MYO18B: variants seen among roughly 807,000 people sequenced by gnomAD.
The protein encoded by MYO18B is unconventional myosin-XVIIIb.
MYO18B carries 204 observed loss-of-function variants against 273.0 expected under a neutral mutation model. The observed-to-expected ratio is 0.75, with a 90% CI of 0.67 to 0.84. The LOEUF (loss-of-function observed/expected upper bound fraction) is 0.84. MYO18B is among the 40% of genes least tolerant of loss of function. The pLI is 0.00. For missense variants in MYO18B, 3,212 were observed against 3,287.6 expected, an observed-to-expected ratio of 0.98 and a Z score of 0.56; for synonymous variants, 1,330 against 1,305.7, an observed-to-expected ratio of 1.02 and a Z score of -0.40.
rs527240944 is a variant in MYO18B at position 26,025,586 on chromosome 22, CT to C, written c.6471-853del. 7.9e-5 allele frequency among the ~76,000 whole-genome samples: 12 copies of C among 152,190 alleles called. No individual in the cohort carries two copies. In the South Asian group the frequency reaches 2.5e-3, roughly 32 times the overall value. On this transcript the variant is annotated intron_variant, in intron 42 of 43. Coordinates refer to ENST00000335473, the MANE Select transcript of MYO18B (RefSeq NM_032608.7). ...GTGCCAACACTCTGACATTTGGCAACTTTTTTACTTTTTTAAAAAATAAATT... is the reference window on the plus strand; with the variant it reads ...GTGCCAACACTCTGACATTTGGCAACTTTTTACTTTTTTAAAAAATAAATT...
intron 11 of MYO18B, among the ~76,000 whole-genome samples, chr22:25,795,673 G>A (rs1057509253): frequency 1.3e-5 from 2 of 152,212 alleles, no homozygotes; most frequent in South Asian, 4.1e-4. Context: ...TGAGCTCCTG[G>A]TTGCTAGGGA....
intron 22 of MYO18B, among the ~76,000 whole-genome samples, chr22:25,871,680 C>T (rs747088828): frequency 6.6e-6 from 1 of 152,074 alleles, no homozygotes; most frequent in Non-Finnish European, 1.5e-5. Flanking sequence ...ATTTTTCAGC[C>T]TCTGGCGCCT....
intron 22 of MYO18B, among the ~76,000 whole-genome samples, chr22:25,869,919 A>G (rs1481013223): frequency 6.6e-6 from 1 of 152,208 alleles, no homozygotes; most frequent in African/African-American, 2.4e-5. Flanking sequence ...CAAGTCTTTG[A>G]AGCCTTTTTC....
intron 25 of MYO18B, among the ~76,000 whole-genome samples, chr22:25,879,761 AG>A (rs2091289483): frequency 6.6e-6 from 1 of 152,230 alleles, no homozygotes; most frequent in Non-Finnish European, 1.5e-5. Flanking sequence ...TGATTCGCTC[AG>A]GGTTCCACAG....
In MYO18B at chr22:25,768,797, A is replaced by G; in HGVS notation, c.881A>G (p.Glu294Gly). ...KEGAEPTNTVEKGNVSKDVGS... is the reference protein window; with the variant it reads ...KEGAEPTNTVGKGNVSKDVGS... ...GGAGCAGAGCCCACAAACACGGTGG[A>G]AAAGGGGAATGTCTCTAAGGACGTA... Residue 294 changes from glutamate to glycine, a missense_variant, in exon 4 of 44, where the codon GAA becomes GGA. Glu to Gly is a moderately conservative substitution (Grantham distance 98, BLOSUM62 -2). Coordinates refer to ENST00000335473, the MANE Select transcript of MYO18B (RefSeq NM_032608.7). 2 of 1,610,178 alleles carry G rather than the reference A, an allele frequency of 1.2e-6. No individual in the cohort carries two copies. Among genetic ancestry groups the G allele is most frequent in the East Asian group, 4.5e-5 (2 of 44,766 alleles).
At chr22:25,801,238 C>T (rs927467604) in intron 12 of MYO18B, among the ~76,000 whole-genome samples, 1 of 152,022 alleles carries the variant, frequency 6.6e-6, no homozygotes, top group African/African-American at 2.4e-5. Context: ...AATAATAGTT[C>T]CCTTTGGGGA....
intron 33 of MYO18B, among the ~76,000 whole-genome samples, chr22:25,914,383 T>C (rs894381717): frequency 2.6e-5 from 4 of 152,194 alleles, no homozygotes; most frequent in African/African-American, 9.6e-5. Context: ...GCCCTCTCCA[T>C]TTATTTGTGG....
Position 25,931,664 on chromosome 22 carries a change from CT to C in MYO18B, c.5517+10264del, listed in dbSNP as rs948492066. 4.9e-5 allele frequency among the ~76,000 whole-genome samples: 7 copies of C among 142,250 alleles called. No individual in the cohort carries two copies. In the East Asian group the frequency reaches 6.1e-4, roughly 12 times the overall value. The allele number at this position is 142,250 out of a possible 152,430, so 93.3% of individuals were successfully genotyped here. A position where few individuals can be genotyped will look rare whatever the true frequency, so the allele number is the denominator to read the frequency against. ...GGAGACAGCTAGTATTATGCCTTTT[CT>C]TTTTTTTTCTTTTTTCTTTTTTTTT... On this transcript the variant is annotated intron_variant, in intron 34 of 43. Coordinates refer to ENST00000335473, the MANE Select transcript of MYO18B (RefSeq NM_032608.7).
At chr22:25,889,043 CA>C (rs1198736248) in intron 25 of MYO18B, among the ~76,000 whole-genome samples, 20 of 149,366 alleles carry the variant, frequency 1.3e-4, no homozygotes, top group African/African-American at 5.0e-4. Context: ...CCCATCCTTC[CA>C]GGAAAAAAAA....
chr22:25,928,085 A>G (rs1378691347), intron 34 of MYO18B, among the ~76,000 whole-genome samples: 1 of 152,158 alleles, frequency 6.6e-6, no homozygotes, highest in African/African-American at 2.4e-5. Context: ...TCAGTTCGGC[A>G]TGGTATTGCT....
At chr22:25,871,901 A>G (rs1278017678) in intron 22 of MYO18B, among the ~76,000 whole-genome samples, 3 of 152,334 alleles carry the variant, frequency 2.0e-5, no homozygotes, top group South Asian at 2.1e-4. Flanking sequence ...TGAAAGCTTC[A>G]TAATCAATAG....
At chr22:25,825,914 A>C (rs375746832) in intron 13 of MYO18B, among the ~76,000 whole-genome samples, 1 of 152,216 alleles carries the variant, frequency 6.6e-6, no homozygotes, top group African/African-American at 2.4e-5. Flanking sequence ...GAAAAAGGGA[A>C]TCATAAACAT....
intron 25 of MYO18B, among the ~76,000 whole-genome samples, chr22:25,879,324 ACATG>A (rs10603651): frequency 0.77 from 117,449 of 151,754 alleles, 45,690 homozygotes; most frequent in East Asian, 0.93. Context: ...ATGTGTATCA[ACATG>A]CATGTATTGC....
intron 39 of MYO18B, among the ~76,000 whole-genome samples, chr22:25,984,600 G>T (rs2093181722): frequency 2.0e-5 from 3 of 150,944 alleles, no homozygotes; most frequent in African/African-American, 7.3e-5. Context: ...GACCAACCTG[G>T]GGAACATAGC....
chr22:25,785,302 C>T (rs1246335652), intron 10 of MYO18B, 126 bp from the exon 11 acceptor site: 1 of 802,000 alleles, frequency 1.2e-6, no homozygotes, highest in Non-Finnish European at 2.0e-6. Flanking sequence ...GGGCCAAGGC[C>T]AGGGACAGGG....
chr22:26,051,216 CTTTTTTTTT>C, the MYO18B span, among the ~76,000 whole-genome samples: 4 of 92,608 alleles, frequency 4.3e-5, no homozygotes, highest in East Asian at 1.3e-3. Flanking sequence ...TAATTGGTCC[CTTTTTTTTT>C]TTTTTTTTTT....
intron 10 of MYO18B, among the ~76,000 whole-genome samples, chr22:25,783,045 C>A (rs751556799): frequency 9.9e-5 from 15 of 152,196 alleles, no homozygotes; most frequent in Non-Finnish European, 1.9e-4. Context: ...GTGACTGTAT[C>A]CCAGTGTTGT....
intron 21 of MYO18B, among the ~76,000 whole-genome samples, chr22:25,853,739 G>A (rs1362385970): frequency 6.6e-6 from 1 of 152,118 alleles, no homozygotes; most frequent in African/African-American, 2.4e-5. Flanking sequence ...CTCTGTTGTA[G>A]CCAAACCAAA....
At chr22:25,806,061 G>A (rs942100640) in intron 12 of MYO18B, among the ~76,000 whole-genome samples, 9 of 152,280 alleles carry the variant, frequency 5.9e-5, no homozygotes, top group African/African-American at 2.2e-4. Flanking sequence ...TCTGCTCATC[G>A]TTGCATCCCC....
Sources: gnomAD v4.1 joint callset for allele counts (sites outside exome capture counted in the v4.1 genomes callset) on GRCh38, gnomAD v4.1.1 for gene constraint, MANE v1.5 for transcripts, NCBI Gene and HGNC (gene_info 2026-07-23, HGNC 2026-07-21) for gene names.